SAG: variants seen among roughly 807,000 people sequenced by gnomAD.
SAG encodes S-arrestin.
SAG carries 45 observed loss-of-function variants against 55.0 expected under a neutral mutation model. The observed-to-expected ratio is 0.82, with a 90% CI of 0.64 to 1.05. The LOEUF is 1.05. Among genes scored for constraint, SAG ranks in the 50% least tolerant of loss-of-function variants. The pLI is 0.00. For synonymous variants in SAG, 189 were observed against 197.4 expected (o/e 0.96, Z 0.36); for missense variants, 455 against 512.1 (o/e 0.89, Z 1.08).
intron 8 of SAG, 186 bp from the exon 9 acceptor site, chr2:233,329,307 C>A (rs1416242455): frequency 1.8e-6 from 1 of 561,592 alleles, no homozygotes; most frequent in East Asian, 3.1e-5. Context: ...TCCCCAGCTT[C>A]CCACAGATGG....
intron 9 of SAG, among the ~76,000 whole-genome samples, chr2:233,330,163 A>G (rs1700702878): frequency 6.6e-6 from 1 of 152,220 alleles, no homozygotes; most frequent in Non-Finnish European, 1.5e-5. Flanking sequence ...GGGGTCTTAT[A>G]TAATGGTCTT....
chr2:233,312,253 C>T (rs1700094844), intron 2 of SAG, among the ~76,000 whole-genome samples: 1 of 152,078 alleles, frequency 6.6e-6, no homozygotes, highest in African/African-American at 2.4e-5. Flanking sequence ...AGAAACATGC[C>T]CTCTCTTCAC....
At chr2:233,315,973 TA>T in intron 2 of SAG, 101 bp from the exon 3 acceptor site, 1 of 710,334 alleles carries the variant, frequency 1.4e-6, no homozygotes, top group Non-Finnish European at 2.5e-6. Flanking sequence ...GTGCTAAGAT[TA>T]CAGGTGTGAG....
chr2:233,346,771 C>A (rs372831520), intron 15 of SAG, 36 bp from the exon 16 acceptor site: 3 of 1,298,456 alleles, frequency 2.3e-6, no homozygotes, highest in Non-Finnish European at 1.1e-6. Context: ...CTTCAAAGGG[C>A]GTGCAATGAT....
intron 11 of SAG, 88 bp downstream of exon 11, chr2:233,335,187 G>A: frequency 6.7e-7 from 1 of 1,495,462 alleles, no homozygotes; most frequent in Non-Finnish European, 9.0e-7. Flanking sequence ...TGGGCTCGCA[G>A]GCACGCACGT....
chr2:233,315,500 C>T (rs113768803), intron 2 of SAG, among the ~76,000 whole-genome samples: 2,799 of 151,458 alleles, frequency 0.018, 94 homozygotes, highest in African/African-American at 0.062. Context: ...GTCATGTTGG[C>T]CAGGCTGGTC....
At chr2:233,310,056 A>G (rs1321433833) in intron 2 of SAG, among the ~76,000 whole-genome samples, 1 of 152,230 alleles carries the variant, frequency 6.6e-6, no homozygotes, top group African/African-American at 2.4e-5. Flanking sequence ...GCCATTGGAT[A>G]AGGGAAAATG....
intron 4 of SAG, 127 bp downstream of exon 4, chr2:233,318,922 A>T: frequency 1.2e-6 from 1 of 831,658 alleles, no homozygotes; most frequent in Non-Finnish European, 2.1e-6. Context: ...TTGCACATGG[A>T]ACCAGTGCCA....
At position 233,340,775 on chromosome 2, in the gene SAG, G is replaced by C. The variant is rs1308016502; in HGVS notation, c.1046+297G>C. On this transcript the variant is annotated intron_variant, in intron 13 of 15. Transcript: ENST00000409110. This position sits in a 1 kb window ranked among gnomAD's most constrained non-coding sequence, Gnocchi z 4.2. ...CTTGTGTGTGTGTGTGTGTGTTTGT[G>C]TGCGGTAAAATACACATAACATAAA... Among the ~76,000 whole-genome samples the C allele has an allele frequency of 2.6e-5, 4 of 152,102 alleles. No homozygotes were observed. The highest frequency in any genetic ancestry group is 9.7e-5 in the African/African-American group (4 of 41,402).
chr2:233,312,447 G>T (rs970304213), intron 2 of SAG, among the ~76,000 whole-genome samples: 5 of 152,216 alleles, frequency 3.3e-5, no homozygotes, highest in African/African-American at 1.2e-4. Context: ...AGGATTAAGT[G>T]AAACCATGTG....
At chr2:233,331,840 TTCTC>T (rs1700776155) in intron 10 of SAG, 128 bp downstream of exon 10, 4 of 729,706 alleles carry the variant, frequency 5.5e-6, no homozygotes, top group Non-Finnish European at 7.4e-6. Flanking sequence ...TCCTTCCTCT[TTCTC>T]CCTTCGAGGG....
chr2:233,340,383 C>A lies in SAG; in HGVS notation c.1023-72C>A, dbSNP rs1036652055. On this transcript the variant is annotated intron_variant, in intron 12 of 15. Transcript: ENST00000409110. The surrounding 1 kb of genome is among the most constrained non-coding windows in gnomAD (Gnocchi z 4.2). Reference sequence around the variant, plus strand: ...GCCATGAGAGCTGGGCTGTGTCCTGCCTCTGAATCATGGGAAAGGGTCGTG... The same window carrying A: ...GCCATGAGAGCTGGGCTGTGTCCTGACTCTGAATCATGGGAAAGGGTCGTG... 8 of 1,377,442 alleles carry A rather than the reference C, an allele frequency of 5.8e-6. No individual in the cohort carries two copies. The Admixed American group carries it at 1.1e-4, about 19-fold the overall frequency. The allele number at this position is 1,377,442 out of a possible 1,614,324, so 85.3% of individuals were successfully genotyped here. A position where few individuals can be genotyped will look rare whatever the true frequency, so the allele number is the denominator to read the frequency against.
chr2:233,336,515 G>GAA (rs1393539820), intron 11 of SAG, among the ~76,000 whole-genome samples: 164 of 133,932 alleles, frequency 1.2e-3, no homozygotes, highest in African/African-American at 4.1e-3. Flanking sequence ...CTCCATCTCA[G>GAA]AAAAAAAAAA....
chr2:233,329,082 A>T (rs1371847044), intron 8 of SAG: 2 of 236,502 alleles, frequency 8.5e-6, no homozygotes, highest in Non-Finnish European at 1.7e-5. Context: ...CTGCTGGCCA[A>T]GGCTGGCTCT....
intron 6 of SAG, among the ~76,000 whole-genome samples, chr2:233,323,591 G>T (rs913372758): frequency 2.0e-5 from 3 of 152,028 alleles, no homozygotes; most frequent in Non-Finnish European, 4.4e-5. Context: ...TCGAACTCCC[G>T]ACCTCAGGTG....
At position 233,340,232 on chromosome 2, in the gene SAG, C is replaced by T. The variant is rs1435220529; in HGVS notation, c.1023-223C>T. Among the ~76,000 whole-genome samples, 3 of 152,190 alleles carry T rather than the reference C, an allele frequency of 2.0e-5. No homozygotes were observed. Among genetic ancestry groups the T allele is most frequent in the African/African-American group, 7.2e-5 (3 of 41,440 alleles). On this transcript the variant is annotated intron_variant, in intron 12 of 15. Transcript: ENST00000409110. This position sits in a 1 kb window ranked among gnomAD's most constrained non-coding sequence, Gnocchi z 4.2. ...TCGGCCTCCCAAAGTGCTGGGATTA[C>T]AGGCATGATCCCCCATGCCCGGCCT...
At chr2:233,325,832 C>T (rs533061582) in intron 6 of SAG, among the ~76,000 whole-genome samples, 58 of 152,304 alleles carry the variant, frequency 3.8e-4, no homozygotes, top group African/African-American at 1.3e-3. Context: ...TGCCTGGGGG[C>T]CTGGGGGCTT....
intron 14 of SAG, chr2:233,345,703 AG>A (rs1701232990): frequency 6.6e-6 from 1 of 152,400 alleles, no homozygotes; most frequent in Admixed American, 6.5e-5. Flanking sequence ...CCTGGGCAAC[AG>A]AGCAAGATGC....
rs573490449 is a variant in SAG, at chr2:233,314,605, C to A, written c.76-1470C>A. ...AGGTAGCAGTGTGTGTCCCGGTCAG[C>A]CCGCTGCTCACAGGTGCCAGGCTTC... is the stretch of plus-strand genomic sequence containing the variant. On this transcript the variant is annotated intron_variant, in intron 2 of 15. Coordinates refer to ENST00000409110, the MANE Select transcript of SAG (RefSeq NM_000541.5). Among the ~76,000 whole-genome samples, 43 of 152,344 alleles carry A rather than the reference C, an allele frequency of 2.8e-4. No individual in the cohort carries two copies. The South Asian group carries it at 4.8e-3, about 17-fold the overall frequency.
Sources: gnomAD v4.1 joint callset for allele counts (sites outside exome capture counted in the v4.1 genomes callset) on GRCh38, gnomAD v4.1.1 for gene constraint, Gnocchi (gnomAD v3.1) non-coding constraint, MANE v1.5 for transcripts, NCBI Gene and HGNC (gene_info 2026-07-23, HGNC 2026-07-21) for gene names.